Variants in SLC16A10 observed in about 807,000 individuals in gnomAD.
SLC16A10 encodes monocarboxylate transporter 10.
A neutral mutation model predicts 40.0 loss-of-function variants in SLC16A10; 27 were observed. That is an observed-to-expected ratio of 0.67 (90% CI 0.50 to 0.93). The LOEUF is 0.93. SLC16A10 is among the 40% of genes least tolerant of loss of function. The probability of loss-of-function intolerance (pLI) is 0.00; values close to 1 mark genes in which losing one functional copy is unlikely to be tolerated. For missense variants in SLC16A10, 529 were observed against 658.2 expected (o/e 0.80, Z 2.15); for synonymous variants, 213 against 249.8 (o/e 0.85, Z 1.39).
At chr6:111,191,502 T>C (rs1267366624) in intron 3 of SLC16A10, among the ~76,000 whole-genome samples, 3 of 152,224 alleles carry the variant, frequency 2.0e-5, no homozygotes, top group East Asian at 3.8e-4. Context: ...GTCTTTATAA[T>C]AGAATGATTT....
chr6:111,206,494 A>G lies in SLC16A10; in HGVS notation c.943-98A>G, dbSNP rs557469907. ...GAAATTTGGAAAAAGTTGCAAGCCC[A>G]TAACATTGCAGAGAAGCAAATGCAT... On this transcript the variant is annotated intron_variant, in intron 3 of 5. Coordinates refer to ENST00000368851, the MANE Select transcript of SLC16A10 (RefSeq NM_018593.5). 24 of 1,354,644 alleles carry G rather than the reference A, an allele frequency of 1.8e-5. 1 individual carries two copies. The East Asian group carries it at 3.9e-4, about 22-fold the overall frequency. The allele number at this position is 1,354,644 out of a possible 1,614,324, so 83.9% of individuals were successfully genotyped here.
Position 111,226,880 on chromosome 6 carries a change from C to T in SLC16A10, c.*4645C>T, listed in dbSNP as rs1455321368. Reference sequence around the variant, plus strand: ...TGTGTGGCGGCTCACGCCTGTAATCCCAGCACTTTGGGAGTCCAAGGCGGT... The same window carrying T: ...TGTGTGGCGGCTCACGCCTGTAATCTCAGCACTTTGGGAGTCCAAGGCGGT... On this transcript the variant is annotated 3_prime_UTR_variant, in exon 6 of 6. Coordinates refer to ENST00000368851, the MANE Select transcript of SLC16A10 (RefSeq NM_018593.5). 1 of 152,250 alleles carries T rather than the reference C, an allele frequency of 6.6e-6. No individual in the cohort carries two copies. Among genetic ancestry groups the T allele is most frequent in the Non-Finnish European group, 1.5e-5 (1 of 68,072 alleles). 9.4% of individuals were successfully genotyped at this position (152,250 alleles called of 1,614,324 possible). A position where few individuals can be genotyped will look rare whatever the true frequency, so the allele number is the denominator to read the frequency against.
At chr6:111,090,800 AT>A (rs1770961455) in intron 1 of SLC16A10, among the ~76,000 whole-genome samples, 1 of 152,220 alleles carries the variant, frequency 6.6e-6, no homozygotes, top group Non-Finnish European at 1.5e-5. Context: ...ATGCCAAAAA[AT>A]ATCTGGAATT....
At chr6:111,096,502 C>T (rs567800330) in intron 1 of SLC16A10, among the ~76,000 whole-genome samples, 6 of 152,314 alleles carry the variant, frequency 3.9e-5, no homozygotes, top group African/African-American at 1.4e-4. Context: ...CCACATAAGA[C>T]AGATAGCCTA....
Position 111,138,564 on chromosome 6 carries a change from C to T in SLC16A10, c.344-34131C>T, listed in dbSNP as rs375388776. On this transcript the variant is annotated intron_variant, in intron 1 of 5. Coordinates refer to ENST00000368851, the MANE Select transcript of SLC16A10 (RefSeq NM_018593.5). ...CTACCAGTGAAATGAAGTTAGTCCT[C>T]CCTGTCCTGCAGGGTTGCTGCAAGG... 6.4e-4 allele frequency among the ~76,000 whole-genome samples: 97 copies of T among 152,336 alleles called. 1 individual carries two copies. The South Asian group carries it at 0.019, about 30-fold the overall frequency.
At chr6:111,142,735 A>T (rs1049319617) in intron 1 of SLC16A10, among the ~76,000 whole-genome samples, 27 of 152,380 alleles carry the variant, frequency 1.8e-4, no homozygotes, top group African/African-American at 6.0e-4. Context: ...GCTGGTGAGG[A>T]TGTGGGACAA....
At chr6:111,153,017 A>G (rs920321354) in intron 1 of SLC16A10, among the ~76,000 whole-genome samples, 12 of 152,134 alleles carry the variant, frequency 7.9e-5, no homozygotes, top group African/African-American at 2.7e-4. Flanking sequence ...GTCAGTGACA[A>G]TGAGTGGCAA....
intron 4 of SLC16A10, among the ~76,000 whole-genome samples, chr6:111,209,296 AG>A (rs2114585968): frequency 6.6e-6 from 1 of 152,314 alleles, no homozygotes; most frequent in African/African-American, 2.4e-5. Flanking sequence ...ACCAAGGCAG[AG>A]ATACTGAGAT....
chr6:111,150,217 T>A (rs1372846479), intron 1 of SLC16A10, among the ~76,000 whole-genome samples: 1 of 152,220 alleles, frequency 6.6e-6, no homozygotes, highest in East Asian at 1.9e-4. Context: ...CCCCCTTTCC[T>A]TGCCACCTCA....
intron 1 of SLC16A10, among the ~76,000 whole-genome samples, chr6:111,153,506 C>T (rs1317086826): frequency 6.6e-6 from 1 of 151,682 alleles, no homozygotes; most frequent in Non-Finnish European, 1.5e-5. Context: ...CTACACACAG[C>T]CTGGGCAACA....
At chr6:111,154,242 T>A (rs1772227830) in intron 1 of SLC16A10, among the ~76,000 whole-genome samples, 1 of 152,234 alleles carries the variant, frequency 6.6e-6, no homozygotes, top group African/African-American at 2.4e-5. Flanking sequence ...ATAACAGGAT[T>A]ATATGTGCAT....
chr6:111,115,893 G>A (rs1771478061), intron 1 of SLC16A10, among the ~76,000 whole-genome samples: 1 of 151,966 alleles, frequency 6.6e-6, no homozygotes, highest in Non-Finnish European at 1.5e-5. Flanking sequence ...TATTCCTCAG[G>A]CAGTGAGGAA....
chr6:111,118,249 G>A (rs1296536635), intron 1 of SLC16A10, among the ~76,000 whole-genome samples: 2 of 152,062 alleles, frequency 1.3e-5, no homozygotes, highest in Admixed American at 6.6e-5. Flanking sequence ...CCTAATTTTA[G>A]GAAATGTAAT....
In SLC16A10 at chr6:111,087,902, G is replaced by C; in HGVS notation, c.150G>C (p.Leu50=). The change falls in exon 1 of 6, where the codon CTG becomes CTC. Residue 50 remains leucine (L), a synonymous_variant. Coordinates refer to ENST00000368851, the MANE Select transcript of SLC16A10 (RefSeq NM_018593.5). ...EAAVEKVEVE[L]AGPATAEPHE... The stretch of plus-strand genomic sequence containing the variant: ...CTGTCGAGAAGGTGGAGGTGGAGCT[G>C]GCGGGGCCGGCGACCGCGGAGCCCC... The C allele has an allele frequency of 6.3e-7, 1 of 1,577,588 alleles. No homozygotes were observed. Among genetic ancestry groups the C allele is most frequent in the Non-Finnish European group, 8.6e-7 (1 of 1,164,440 alleles).
chr6:111,209,151 A>G (rs1773301761), intron 4 of SLC16A10, among the ~76,000 whole-genome samples: 1 of 151,954 alleles, frequency 6.6e-6, no homozygotes, highest in Non-Finnish European at 1.5e-5. Context: ...ATTACAGGGG[A>G]GTATGGTCAT....
chr6:111,116,648 C>G (rs1322988712), intron 1 of SLC16A10, among the ~76,000 whole-genome samples: 1 of 152,166 alleles, frequency 6.6e-6, no homozygotes, highest in Non-Finnish European at 1.5e-5. Context: ...CATGGAAGAA[C>G]TTGGTGAAAG....
At chr6:111,110,347 ATT>A (rs11383793) in intron 1 of SLC16A10, among the ~76,000 whole-genome samples, 3 of 146,494 alleles carry the variant, frequency 2.0e-5, no homozygotes, top group African/African-American at 7.5e-5. Flanking sequence ...GAGGGTAACA[ATT>A]TTTTTTTTTT....
intron 1 of SLC16A10, among the ~76,000 whole-genome samples, chr6:111,144,305 G>A (rs897781321): frequency 1.3e-5 from 2 of 152,240 alleles, no homozygotes; most frequent in South Asian, 2.1e-4. Context: ...CCGGGTTCAC[G>A]CCATTCTCCT....
At chr6:111,206,518 A>T (rs1773257302) in intron 3 of SLC16A10, 74 bp from the exon 4 acceptor site, 1 of 1,559,512 alleles carries the variant, frequency 6.4e-7, no homozygotes, top group Admixed American at 1.7e-5. Flanking sequence ...AAGCAAATGC[A>T]TTTGATGCAA....
Sources: gnomAD v4.1 joint callset for allele counts (sites outside exome capture counted in the v4.1 genomes callset) on GRCh38, gnomAD v4.1.1 for gene constraint, MANE v1.5 for transcripts, NCBI Gene and HGNC (gene_info 2026-07-23, HGNC 2026-07-21) for gene names.